Variants in SYT9 observed in about 807,000 individuals in gnomAD.
The protein encoded by SYT9 is synaptotagmin-9.
Under a neutral mutation model 48.4 loss-of-function variants are expected in SYT9, and 22 were observed. The ratio of observed to expected loss-of-function variants is 0.45; its 90% CI spans 0.32 to 0.65. The LOEUF (loss-of-function observed/expected upper bound fraction) is 0.65, where lower values mean the gene tolerates loss of function less well. Among genes scored for constraint, SYT9 ranks in the 30% least tolerant of loss-of-function variants. The probability of loss-of-function intolerance (pLI) is 0.03; values close to 1 mark genes in which losing one functional copy is unlikely to be tolerated. For synonymous variants in SYT9, 265 were observed against 245.0 expected (o/e 1.08, Z -0.76); for missense variants, 577 against 622.0 (o/e 0.93, Z 0.77).
intron 3 of SYT9, among the ~76,000 whole-genome samples, chr11:7,413,470 G>A (rs1367758742): frequency 6.6e-6 from 1 of 151,934 alleles, no homozygotes; most frequent in African/African-American, 2.4e-5. Context: ...AGGCCTGTGA[G>A]GATCGAGGGG....
upstream of SYT9, among the ~76,000 whole-genome samples, chr11:7,247,588 T>C (rs1847807907): frequency 6.8e-6 from 1 of 147,784 alleles, no homozygotes; most frequent in African/African-American, 2.5e-5. Flanking sequence ...CATATATATG[T>C]GTATATATAC....
chr11:7,245,349 T>A (rs1303355483), intron 1 of SYT9, among the ~76,000 whole-genome samples: 1 of 152,202 alleles, frequency 6.6e-6, no homozygotes, highest in African/African-American at 2.4e-5. Flanking sequence ...TAATCATTAA[T>A]GTATATCATT....
intron 1 of SYT9, among the ~76,000 whole-genome samples, chr11:7,264,918 A>G (rs1848149891): frequency 6.6e-6 from 1 of 152,132 alleles, no homozygotes. Flanking sequence ...TGTCTGCAAC[A>G]AGGATGGGCA....
upstream of SYT9, among the ~76,000 whole-genome samples, chr11:7,248,388 C>G (rs970399963): frequency 2.6e-5 from 4 of 151,880 alleles, no homozygotes; most frequent in African/African-American, 9.7e-5. Context: ...GGTTCTTGGT[C>G]ACGAAATCCT....
At chr11:7,436,264 A>G (rs930588335) in intron 6 of SYT9, among the ~76,000 whole-genome samples, 4 of 152,212 alleles carry the variant, frequency 2.6e-5, no homozygotes, top group Non-Finnish European at 4.4e-5. Flanking sequence ...TAGGTTACCT[A>G]TAAGGTTCCT....
chr11:7,409,062 T>C (rs1847081289), intron 3 of SYT9, among the ~76,000 whole-genome samples: 1 of 152,228 alleles, frequency 6.6e-6, no homozygotes, highest in African/African-American at 2.4e-5. Context: ...TTTATTATTT[T>C]GAGACATGTT....
chr11:7,395,778 T>C (rs1846739968), intron 3 of SYT9, among the ~76,000 whole-genome samples: 1 of 146,344 alleles, frequency 6.8e-6, no homozygotes, highest in Non-Finnish European at 1.5e-5. Context: ...AAGTGGCTTT[T>C]GTTTTTTTTA....
At chr11:7,458,486 A>AAATAAATT (rs1564911101) in intron 6 of SYT9, among the ~76,000 whole-genome samples, 1 of 151,294 alleles carries the variant, frequency 6.6e-6, no homozygotes, top group African/African-American at 2.4e-5. Context: ...CATCTCAAAA[A>AAATAAATT]AATTAATTAA....
chr11:7,293,021 A>G (rs562305127), intron 1 of SYT9, among the ~76,000 whole-genome samples: 38 of 152,302 alleles, frequency 2.5e-4, no homozygotes, highest in African/African-American at 8.9e-4. Context: ...CCAGGCTGTC[A>G]GTGTCTAGCT....
At chr11:7,241,592 G>T (rs1229263986) in intron 1 of SYT9, among the ~76,000 whole-genome samples, 1 of 152,188 alleles carries the variant, frequency 6.6e-6, no homozygotes, top group African/African-American at 2.4e-5. Context: ...TCAGACCACA[G>T]TGGAATTGCC....
chr11:7,383,809 G>C (rs1224331832), intron 3 of SYT9, among the ~76,000 whole-genome samples: 1 of 152,162 alleles, frequency 6.6e-6, no homozygotes, highest in Non-Finnish European at 1.5e-5. Context: ...GAGGGGTCAA[G>C]ACTTGAATTC....
chr11:7,412,377 G>A (rs1204177450), intron 3 of SYT9, among the ~76,000 whole-genome samples: 1 of 152,244 alleles, frequency 6.6e-6, no homozygotes, highest in Admixed American at 6.5e-5. Flanking sequence ...TGTTGGTTGA[G>A]TAGGGCACTT....
rs75071341 is a variant in SYT9, at chr11:7,415,994, C to G, written c.1045-48C>G. The G allele has an allele frequency of 1.3e-3, 2,108 of 1,612,408 alleles. 30 individuals carry two copies. In the African/African-American group the frequency reaches 0.025, roughly 19 times the overall value. On this transcript the variant is annotated intron_variant, in intron 3 of 6. Transcript: ENST00000318881. ...GGCCTGAAGCTGAGCCTCTTGCACACCAGGCTGGAGACACTTTCTAATACT... is the reference window on the plus strand; with the variant it reads ...GGCCTGAAGCTGAGCCTCTTGCACAGCAGGCTGGAGACACTTTCTAATACT...
intron 1 of SYT9, among the ~76,000 whole-genome samples, chr11:7,300,382 G>T (rs1848896440): frequency 6.6e-6 from 1 of 152,186 alleles, no homozygotes; most frequent in African/African-American, 2.4e-5. Context: ...GCTTCAAGGT[G>T]GCATGGGCCA....
intron 6 of SYT9, among the ~76,000 whole-genome samples, chr11:7,424,405 G>A (rs964511100): frequency 5.3e-5 from 8 of 152,098 alleles, no homozygotes; most frequent in African/African-American, 1.4e-4. Context: ...CCCTTAGCAC[G>A]GCACCCTCCT....
intron 6 of SYT9, among the ~76,000 whole-genome samples, chr11:7,422,677 A>G (rs758126183): frequency 1.3e-5 from 2 of 152,224 alleles, no homozygotes; most frequent in Non-Finnish European, 2.9e-5. Context: ...GAAATGAGAA[A>G]GGAGTAAGGA....
chr11:7,424,937 A>G (rs1476605935), intron 6 of SYT9, among the ~76,000 whole-genome samples: 2 of 152,252 alleles, frequency 1.3e-5, no homozygotes, highest in Non-Finnish European at 2.9e-5. Flanking sequence ...ATGGTACAAT[A>G]TGCCCAGACA....
At position 7,416,084 on chromosome 11, in the gene SYT9, C is replaced by A; in HGVS notation, c.1087C>A (p.Leu363Ile). The A allele has an allele frequency of 6.2e-7, 1 of 1,614,194 alleles. No homozygotes were observed. Among genetic ancestry groups the A allele is most frequent in the Non-Finnish European group, 8.5e-7 (1 of 1,180,026 alleles). Reference sequence around the variant, plus strand: ...AGAGCTGATGTTTTCCCTGTGCTATCTTCCAACGGCTGGCAGGCTGACCAT... The same window carrying A: ...AGAGCTGATGTTTTCCCTGTGCTATATTCCAACGGCTGGCAGGCTGACCAT... The part of the protein sequence containing the change: ...LGELMFSLCY[L>I]PTAGRLTITI... The change falls in exon 4 of 7, where the codon CTT becomes ATT. Residue 363 changes from leucine (L) to isoleucine (I), a missense_variant. By Grantham distance (5) the Leu-to-Ile change is conservative. Transcript: ENST00000318881.
At chr11:7,265,479 G>T (rs978001656) in intron 1 of SYT9, among the ~76,000 whole-genome samples, 2 of 152,066 alleles carry the variant, frequency 1.3e-5, no homozygotes, top group Non-Finnish European at 2.9e-5. Context: ...AGCCTTCAGG[G>T]GTGACACCTA....
Sources: gnomAD v4.1 joint callset for allele counts (sites outside exome capture counted in the v4.1 genomes callset) on GRCh38, gnomAD v4.1.1 for gene constraint, MANE v1.5 for transcripts, NCBI Gene and HGNC (gene_info 2026-07-23, HGNC 2026-07-21) for gene names.